The following ANKS1A variants were observed in gnomAD, a reference collection of about 807,000 sequenced individuals.
The protein encoded by ANKS1A is ankyrin repeat and sterile alpha motif domain containing 1A.
ANKS1A carries 55 observed loss-of-function variants against 120.3 expected under a neutral mutation model. The observed-to-expected ratio is 0.46, with a 90% CI of 0.37 to 0.57. The LOEUF is 0.57. Among genes scored for constraint, ANKS1A ranks in the 20% least tolerant of loss-of-function variants. ANKS1A has a pLI of 0.00. For missense variants in ANKS1A, 1,123 were observed against 1,480.3 expected (o/e 0.76, Z 3.96); for synonymous variants, 590 against 604.7 (o/e 0.98, Z 0.36).
Position 35,005,738 on chromosome 6 carries a change from G to A in ANKS1A, c.1423+11316G>A, listed in dbSNP as rs572069601. 3.8e-5 allele frequency: 17 copies of A among 450,308 alleles called. No individual in the cohort carries two copies. The East Asian group carries it at 4.3e-4, about 11-fold the overall frequency. The allele number at this position is 450,308 out of a possible 1,614,324, so 27.9% of individuals were successfully genotyped here. On this transcript the variant is annotated intron_variant, in intron 10 of 23. Transcript: ENST00000360359. ...TTTGATCAAGAAAGAGGAAAAAACC[G>A]CTACATATGAAGATGCTATAAAGAA...
In ANKS1A at chr6:34,985,207, C is replaced by T. The variant is rs1299227838; in HGVS notation, c.1138C>T (p.Arg380Ter). 5 of 1,614,028 alleles carry T rather than the reference C, an allele frequency of 3.1e-6. No homozygotes were observed. The highest frequency in any genetic ancestry group is 1.7e-5 in the Admixed American group (1 of 60,006). ...TTCGTTGGACAGCATGGCCAGCGGG[C>T]GATCATCTGACCAAGACTCCACGAA... Reference protein sequence around the residue: ...CHSLDSMASGRSSDQDSTNKE... With the variant: ...CHSLDSMASG The change falls in exon 8 of 24, where the codon CGA (arginine) becomes TGA (stop). Residue 380 changes from arginine to a stop codon, truncating the protein, a stop_gained. Transcript: ENST00000360359. LOFTEE classifies it high-confidence loss of function.
At chr6:35,075,744 T>C (rs568677059) in intron 13 of ANKS1A, among the ~76,000 whole-genome samples, 4 of 152,236 alleles carry the variant, frequency 2.6e-5, no homozygotes, top group East Asian at 3.9e-4. Flanking sequence ...TTTTGTTGTA[T>C]GTACACACAC....
At chr6:34,985,648 C>A (rs1185277428) in intron 8 of ANKS1A, among the ~76,000 whole-genome samples, 1 of 152,200 alleles carries the variant, frequency 6.6e-6, no homozygotes, top group Non-Finnish European at 1.5e-5. Context: ...CAGAAGCATA[C>A]AGTGAAAGCT....
intron 1 of ANKS1A, among the ~76,000 whole-genome samples, chr6:34,926,502 G>A (rs551205585): frequency 7.2e-5 from 11 of 152,194 alleles, no homozygotes; most frequent in South Asian, 2.1e-4. Flanking sequence ...CAGCTAATTC[G>A]AATACCTTAA....
rs986972999 is a variant in ANKS1A, at chr6:35,083,458, G to A, written c.2949G>A (p.Leu983=). Residue 983 remains leucine (L), a synonymous_variant, in exon 20 of 24, where the codon CTG becomes CTA. Coordinates refer to ENST00000360359, the MANE Select transcript of ANKS1A (RefSeq NM_015245.3). The part of the protein sequence containing the change: ...EHMKKIPTII[L]SITYKGVKFI... ...TGAAGAAGATCCCCACCATCATCCT[G>A]TCCATCACATACAAAGGTGTCAAGT... 1 of 1,614,096 alleles carries A rather than the reference G, an allele frequency of 6.2e-7. No individual in the cohort carries two copies. The highest frequency in any genetic ancestry group is 8.5e-7 in the Non-Finnish European group (1 of 1,180,008).
intron 3 of ANKS1A, among the ~76,000 whole-genome samples, chr6:34,981,362 A>G (rs879083416): frequency 2.0e-5 from 3 of 152,356 alleles, no homozygotes; most frequent in Admixed American, 2.0e-4. Flanking sequence ...ATTGGTATTC[A>G]TCTTGCCAGG....
At position 35,089,681 on chromosome 6, in the gene ANKS1A, G is replaced by A. The variant is rs1581771952; in HGVS notation, c.*1072G>A. 1.0e-6 allele frequency: 1 copy of A among 992,396 alleles called. No homozygotes were observed. Among genetic ancestry groups the A allele is most frequent in the Non-Finnish European group, 1.2e-6 (1 of 834,134 alleles). The allele number at this position is 992,396 out of a possible 1,614,324, so 61.5% of individuals were successfully genotyped here. On this transcript the variant is annotated 3_prime_UTR_variant, in exon 24 of 24. Transcript: ENST00000360359. ...TCGATGCTCCCCCGCGTGGCCTTTG[G>A]GGCAGGCTGGCATCCCGGTGCGCCT... is the stretch of plus-strand genomic sequence containing the variant.
At chr6:35,036,639 G>C (rs1775187914) in intron 11 of ANKS1A, among the ~76,000 whole-genome samples, 1 of 152,260 alleles carries the variant, frequency 6.6e-6, no homozygotes, top group African/African-American at 2.4e-5. Context: ...ATCTGGTTTT[G>C]GTTCAGTGAC....
At chr6:34,916,135 G>T (rs1002947008) in intron 1 of ANKS1A, among the ~76,000 whole-genome samples, 1 of 152,042 alleles carries the variant, frequency 6.6e-6, no homozygotes, top group African/African-American at 2.4e-5. Flanking sequence ...TGAGACTACA[G>T]GTGCATGCCA....
At chr6:34,994,454 C>A (rs200305658) in intron 10 of ANKS1A, 32 bp downstream of exon 10, 16 of 1,603,482 alleles carry the variant, frequency 1.0e-5, no homozygotes, top group Admixed American at 6.7e-5. Flanking sequence ...GCAGAACCAA[C>A]TCCAAAGGGA....
chr6:35,077,312 T>G (rs560220710), intron 13 of ANKS1A, among the ~76,000 whole-genome samples: 11 of 152,392 alleles, frequency 7.2e-5, no homozygotes, highest in African/African-American at 2.6e-4. Flanking sequence ...AACAGGGAAC[T>G]GGCTGAATAA....
At chr6:34,897,009 A>G (rs1167223171) in intron 1 of ANKS1A, among the ~76,000 whole-genome samples, 1 of 152,122 alleles carries the variant, frequency 6.6e-6, no homozygotes, top group African/African-American at 2.4e-5. Context: ...GATGGCATGC[A>G]CCTGTGGCCC....
intron 1 of ANKS1A, among the ~76,000 whole-genome samples, chr6:34,965,810 G>A (rs892375317): frequency 9.2e-5 from 14 of 151,398 alleles, no homozygotes; most frequent in African/African-American, 3.2e-4. Flanking sequence ...GCAGTGGTGT[G>A]ATCTTGGCTC....
chr6:35,085,878 T>C lies in ANKS1A; in HGVS notation c.3245T>C (p.Ile1082Thr), dbSNP rs1300883943. The change falls in exon 22 of 24, where the codon ATT becomes ACT. Residue 1082 changes from isoleucine to threonine, a missense_variant. Transcript: ENST00000360359. The surrounding 1 kb of genome is among the most constrained non-coding windows in gnomAD (Gnocchi z 4.7). ...RATGASAAEM[I>T]ETKSSKPVPK... is the part of the protein sequence containing the mutation. Reference sequence around the variant, plus strand: ...ACGGGCGCCTCTGCAGCTGAGATGATTGAAACAAAATCTTCCAAACCGGTG... The same window carrying C: ...ACGGGCGCCTCTGCAGCTGAGATGACTGAAACAAAATCTTCCAAACCGGTG... 1.2e-6 allele frequency: 2 copies of C among 1,613,566 alleles called. No homozygotes were observed. Among genetic ancestry groups the C allele is most frequent in the Non-Finnish European group, 1.7e-6 (2 of 1,179,864 alleles).
At chr6:34,938,426 G>A (rs1229296469) in intron 1 of ANKS1A, among the ~76,000 whole-genome samples, 1 of 152,176 alleles carries the variant, frequency 6.6e-6, no homozygotes, top group Non-Finnish European at 1.5e-5. Flanking sequence ...AAATCAGTCT[G>A]TTCCTTATGT....
At chr6:35,079,039 C>T (rs903451565) in intron 14 of ANKS1A, among the ~76,000 whole-genome samples, 31 of 152,186 alleles carry the variant, frequency 2.0e-4, no homozygotes, top group Non-Finnish European at 3.5e-4. Flanking sequence ...CCGGGCCCCT[C>T]CCCGAGTGGG....
rs1581618022 is a variant in ANKS1A, at chr6:34,996,702, A to G, written c.1423+2280A>G. ...TGGCCAGGATGGTCTCGATCTCTTGACCTCGTGATCCACCTGCCTTGGCCT... is the reference window on the plus strand; with the variant it reads ...TGGCCAGGATGGTCTCGATCTCTTGGCCTCGTGATCCACCTGCCTTGGCCT... On this transcript the variant is annotated intron_variant, in intron 10 of 23. Coordinates refer to ENST00000360359, the MANE Select transcript of ANKS1A (RefSeq NM_015245.3). 2.0e-5 allele frequency among the ~76,000 whole-genome samples: 3 copies of G among 152,052 alleles called. No individual in the cohort carries two copies. In the South Asian group the frequency reaches 6.2e-4, roughly 32 times the overall value.
intron 3 of ANKS1A, among the ~76,000 whole-genome samples, chr6:34,970,647 A>T (rs1346141506): frequency 6.6e-6 from 1 of 152,200 alleles, no homozygotes; most frequent in Non-Finnish European, 1.5e-5. Flanking sequence ...ATTTGAAATA[A>T]TGCAAACCCT....
chr6:34,931,471 CT>C (rs1768978132), intron 1 of ANKS1A, among the ~76,000 whole-genome samples: 1 of 152,068 alleles, frequency 6.6e-6, no homozygotes, highest in Non-Finnish European at 1.5e-5. Context: ...AATATTGGAC[CT>C]TTTATGCCTT....
Sources: allele counts gnomAD v4.1 joint callset (sites outside exome capture counted in the v4.1 genomes callset), GRCh38; gene constraint gnomAD v4.1.1; non-coding constraint Gnocchi (gnomAD v3.1); transcripts MANE v1.5; gene names NCBI Gene and HGNC (gene_info 2026-07-23, HGNC 2026-07-21).